COL23A1: variants seen among roughly 807,000 people sequenced by gnomAD.
COL23A1 encodes collagen alpha-1(XXIII) chain.
COL23A1 carries 97 observed loss-of-function variants against 99.3 expected under a neutral mutation model. That is an observed-to-expected ratio of 0.98 (90% CI 0.83 to 1.16). The LOEUF is 1.16. Among genes scored for constraint, COL23A1 ranks in the 50% most tolerant of loss-of-function variants. The pLI, the probability that COL23A1 is intolerant of heterozygous loss-of-function variation, is 0.00. For synonymous variants in COL23A1, 320 were observed against 308.2 expected, an observed-to-expected ratio of 1.04 and a Z score of -0.40; for missense variants, 762 against 757.4, an observed-to-expected ratio of 1.01 and a Z score of -0.07.
At chr5:178,403,183 A>G (rs2127768203) in intron 2 of COL23A1, among the ~76,000 whole-genome samples, 1 of 151,922 alleles carries the variant, frequency 6.6e-6, no homozygotes, top group African/African-American at 2.4e-5. Context: ...CACATATCAA[A>G]CTGTTACTGC....
intron 2 of COL23A1, among the ~76,000 whole-genome samples, chr5:178,557,382 G>A (rs752156951): frequency 1.6e-4 from 24 of 152,326 alleles, no homozygotes; most frequent in Admixed American, 8.5e-4. Context: ...CATATCTTTT[G>A]AGGGCGACAG....
chr5:178,495,871 A>G (rs1292563863), intron 2 of COL23A1, among the ~76,000 whole-genome samples: 2 of 152,224 alleles, frequency 1.3e-5, no homozygotes, highest in Non-Finnish European at 2.9e-5. Flanking sequence ...TTTAGTCCTC[A>G]TGACAACTTT....
intron 2 of COL23A1, among the ~76,000 whole-genome samples, chr5:178,421,292 T>C (rs1581358743): frequency 6.6e-6 from 1 of 152,208 alleles, no homozygotes; most frequent in African/African-American, 2.4e-5. Flanking sequence ...GACACTGGAC[T>C]TGGATCTGGA....
At chr5:178,459,870 C>T (rs553131000) in intron 2 of COL23A1, among the ~76,000 whole-genome samples, 29 of 152,198 alleles carry the variant, frequency 1.9e-4, no homozygotes, top group South Asian at 1.7e-3. Flanking sequence ...TGGAAAAAAG[C>T]TACAAAACTA....
intron 2 of COL23A1, among the ~76,000 whole-genome samples, chr5:178,518,763 T>A (rs1308392505): frequency 1.0e-4 from 15 of 149,714 alleles, no homozygotes; most frequent in Non-Finnish European, 2.1e-4. Context: ...GAGGCTGCAA[T>A]CTCGGCACTT....
intron 2 of COL23A1, among the ~76,000 whole-genome samples, chr5:178,411,421 AAACT>A (rs1300521331): frequency 6.6e-6 from 1 of 151,452 alleles, no homozygotes; most frequent in Non-Finnish European, 1.5e-5. Flanking sequence ...ATAGGTAAAC[AAACT>A]GTGATACACA....
At chr5:178,244,513 A>G (rs190574695) in intron 25 of COL23A1, among the ~76,000 whole-genome samples, 19 of 152,220 alleles carry the variant, frequency 1.2e-4, no homozygotes, top group African/African-American at 4.3e-4. Flanking sequence ...AGAGCCCATG[A>G]AACTTCCTGT....
At chr5:178,480,001 T>C (rs955277511) in intron 2 of COL23A1, among the ~76,000 whole-genome samples, 1 of 152,108 alleles carries the variant, frequency 6.6e-6, no homozygotes, top group Admixed American at 6.5e-5. Context: ...CATAGGCAAC[T>C]GAGATAAAAC....
At position 178,451,880 on chromosome 5, in the gene COL23A1, G is replaced by A. The variant is rs1767510189; in HGVS notation, c.361+108802C>T. Among the ~76,000 whole-genome samples, 3 of 152,024 alleles carry A rather than the reference G, an allele frequency of 2.0e-5. 1 individual carries two copies. The highest frequency in any genetic ancestry group is 7.2e-5 in the African/African-American group (3 of 41,404). Reference sequence around the variant, plus strand: ...GAGATGAAAAGTAAGATTTGAAACAGTGGAGATGCATTTCATGTTCACGTT... The same window carrying A: ...GAGATGAAAAGTAAGATTTGAAACAATGGAGATGCATTTCATGTTCACGTT... On this transcript the variant is annotated intron_variant, in intron 2 of 28. Transcript: ENST00000390654.
intron 2 of COL23A1, among the ~76,000 whole-genome samples, chr5:178,379,249 C>G (rs920318238): frequency 6.6e-6 from 1 of 152,132 alleles, no homozygotes; most frequent in Non-Finnish European, 1.5e-5. Flanking sequence ...AAAAAAAACC[C>G]TTATTCATTT....
At chr5:178,570,757 G>T (rs73804272) in intron 1 of COL23A1, among the ~76,000 whole-genome samples, 1 of 152,122 alleles carries the variant, frequency 6.6e-6, no homozygotes, top group Non-Finnish European at 1.5e-5. Flanking sequence ...GCACATGGAG[G>T]GGGGACGCGG....
In COL23A1 at chr5:178,468,026, C is replaced by T. The variant is rs1035636113; in HGVS notation, c.361+92656G>A. Among the ~76,000 whole-genome samples the T allele has an allele frequency of 6.6e-6, 1 of 152,080 alleles. No homozygotes were observed. Among genetic ancestry groups the T allele is most frequent in the Non-Finnish European group, 1.5e-5 (1 of 68,032 alleles). Reference sequence around the variant, plus strand: ...GGCGATGCTCTCTGGAGCGGACAGGCGTATTTAATATCCCACCCACGCATC... The same window carrying T: ...GGCGATGCTCTCTGGAGCGGACAGGTGTATTTAATATCCCACCCACGCATC... On this transcript the variant is annotated intron_variant, in intron 2 of 28. Transcript: ENST00000390654. This position sits in a 1 kb window ranked among gnomAD's most constrained non-coding sequence, Gnocchi z 4.2.
intron 2 of COL23A1, among the ~76,000 whole-genome samples, chr5:178,389,866 C>T (rs979410949): frequency 2.6e-5 from 4 of 152,198 alleles, no homozygotes; most frequent in African/African-American, 7.2e-5. Flanking sequence ...GAAACAGCTA[C>T]GTCCAGCCCT....
intron 2 of COL23A1, among the ~76,000 whole-genome samples, chr5:178,360,473 G>A (rs765326030): frequency 4.0e-5 from 6 of 148,234 alleles, no homozygotes; most frequent in South Asian, 2.1e-4. Flanking sequence ...GGCCTCATGT[G>A]GGGGGGGATG....
At chr5:178,381,242 G>A (rs893102405) in intron 2 of COL23A1, among the ~76,000 whole-genome samples, 1 of 152,236 alleles carries the variant, frequency 6.6e-6, no homozygotes, top group Non-Finnish European at 1.5e-5. Flanking sequence ...AAGAAGAACA[G>A]TTAAGCCAGC....
chr5:178,387,025 A>G lies in COL23A1; in HGVS notation c.362-80106T>C, dbSNP rs1763712197. Among the ~76,000 whole-genome samples, 1 of 152,116 alleles carries G rather than the reference A, an allele frequency of 6.6e-6. No homozygotes were observed. The highest frequency in any genetic ancestry group is 1.5e-5 in the Non-Finnish European group (1 of 68,014). On this transcript the variant is annotated intron_variant, in intron 2 of 28. Coordinates refer to ENST00000390654, the MANE Select transcript of COL23A1 (RefSeq NM_173465.4). This position sits in a 1 kb window ranked among gnomAD's most constrained non-coding sequence, Gnocchi z 4.7. ...GGCTTTGCCTCTGGACTTCAGCTCC[A>G]GGTTTCGTCTCTCGCTCCAGGCTTC...
chr5:178,531,675 T>C (rs1465161877), intron 2 of COL23A1, among the ~76,000 whole-genome samples: 4 of 152,252 alleles, frequency 2.6e-5, no homozygotes, highest in Non-Finnish European at 5.9e-5. Context: ...AAGTTCCTAC[T>C]GTGGTCTTTC....
intron 2 of COL23A1, among the ~76,000 whole-genome samples, chr5:178,450,793 C>A (rs1049225781): frequency 1.3e-5 from 2 of 152,132 alleles, no homozygotes; most frequent in African/African-American, 2.4e-5. Flanking sequence ...AGGTAGGGAC[C>A]ATTTGTCCTG....
chr5:178,282,967 T>C (rs1263624124), intron 5 of COL23A1, among the ~76,000 whole-genome samples: 3 of 152,092 alleles, frequency 2.0e-5, no homozygotes, highest in African/African-American at 7.2e-5. Context: ...GCCTCCTGGG[T>C]TCAAGTGATT....
Sources: gnomAD v4.1 joint callset for allele counts (sites outside exome capture counted in the v4.1 genomes callset) on GRCh38, gnomAD v4.1.1 for gene constraint, Gnocchi (gnomAD v3.1) non-coding constraint, MANE v1.5 for transcripts, NCBI Gene and HGNC (gene_info 2026-07-23, HGNC 2026-07-21) for gene names.